Variants in KCNJ4 observed in about 807,000 individuals in gnomAD.
The protein encoded by KCNJ4 is inward rectifier potassium channel 4.
Under a neutral mutation model 25.6 loss-of-function variants are expected in KCNJ4, and 3 were observed. The ratio of observed to expected loss-of-function variants is 0.12; its 90% confidence interval spans 0.05 to 0.30. The LOEUF is 0.30. Among genes scored for constraint, KCNJ4 ranks in the 10% least tolerant of loss-of-function variants. KCNJ4 has a pLI of 1.00. For synonymous variants in KCNJ4, 257 were observed against 283.9 expected (o/e 0.91, Z 0.95); for missense variants, 286 against 666.8 (o/e 0.43, Z 6.29).
chr22:38,444,804 G>T lies in KCNJ4; in HGVS notation c.-40+10176C>A, dbSNP rs563853957. Among the ~76,000 whole-genome samples, 6 of 152,260 alleles carry T rather than the reference G, an allele frequency of 3.9e-5. 1 individual carries two copies. In the South Asian group the frequency reaches 1.2e-3, roughly 32 times the overall value. On this transcript the variant is annotated intron_variant, in intron 1 of 1. Coordinates refer to ENST00000303592, the MANE Select transcript of KCNJ4 (RefSeq NM_152868.3). ...TGACCACCTTCCCACTGGCTCCTCA[G>T]GCCAGAGAATCTCCAACTCCAGCCG...
At chr22:38,447,202 TGCCCCAGAGGGCA>T (rs1430783591) in intron 1 of KCNJ4, among the ~76,000 whole-genome samples, 3 of 152,120 alleles carry the variant, frequency 2.0e-5, no homozygotes, top group Non-Finnish European at 2.9e-5. Context: ...TGGGTTTCTC[TGCCCCAGAGGGCA>T]GGGCGAAGGA....
intron 1 of KCNJ4, among the ~76,000 whole-genome samples, chr22:38,445,590 C>A (rs2089368245): frequency 6.6e-6 from 1 of 152,146 alleles, no homozygotes; most frequent in Admixed American, 6.5e-5. Context: ...GCCATCCTCC[C>A]GCCTCGGCCT....
At chr22:38,432,285 A>AAATAAATAAATAAAT (rs10632921) in intron 1 of KCNJ4, among the ~76,000 whole-genome samples, 41 of 120,892 alleles carry the variant, frequency 3.4e-4, no homozygotes, top group African/African-American at 1.6e-3. Context: ...ATAAATAAAT[A>AAATAAATAAATAAAT]AAATAAAATA....
In KCNJ4 at chr22:38,427,017, G is replaced by C; in HGVS notation, c.1116C>G (p.Cys372Trp). The C allele has an allele frequency of 6.2e-7, 1 of 1,612,740 alleles. No homozygotes were observed. The highest frequency in any genetic ancestry group is 8.5e-7 in the Non-Finnish European group (1 of 1,179,916). ...TCATAAGGGCCAGCTCGTTCTCGTA[G>C]CAGAAGGCACTGGGAGGGGGCGGTG... ...PAPPPPPSAF[C>W]YENELALMSQ... is the part of the protein sequence containing the mutation. The change falls in exon 2 of 2, where the codon TGC becomes TGG. Residue 372 changes from cysteine to tryptophan, a missense_variant. By Grantham distance (215) the Cys-to-Trp change is radical (BLOSUM62 -2). Around this residue, in one of 11 missense-constraint regions of KCNJ4, gnomAD observed 36 missense variants for 100.1 expected, o/e 0.36. Transcript: ENST00000303592.
rs1266782979 is a variant in KCNJ4, at chr22:38,443,881, C to G, written c.-40+11099G>C. Reference sequence around the variant, plus strand: ...CCCCAGGGCACTCGGGATGAACGCCCCGCCTCAGAGAGGTCCTGCCCTCTC... The same window carrying G: ...CCCCAGGGCACTCGGGATGAACGCCGCGCCTCAGAGAGGTCCTGCCCTCTC... On this transcript the variant is annotated intron_variant, in intron 1 of 1. Coordinates refer to ENST00000303592, the MANE Select transcript of KCNJ4 (RefSeq NM_152868.3). This position sits in a 1 kb window ranked among gnomAD's most constrained non-coding sequence, Gnocchi z 4.1. 6.6e-6 allele frequency among the ~76,000 whole-genome samples: 1 copy of G among 152,128 alleles called. No homozygotes were observed. The highest frequency in any genetic ancestry group is 1.5e-5 in the Non-Finnish European group (1 of 68,022).
Position 38,427,698 on chromosome 22 carries a change from C to T in KCNJ4, c.435G>A (p.Glu145=), listed in dbSNP as rs1239987931. Reference sequence around the variant, plus strand: ...CCACAGCGATGACTGCCAGCGGGCACTCCTCTGTCACGCACCGGAACCCAT... The same window carrying T: ...CCACAGCGATGACTGCCAGCGGGCATTCCTCTGTCACGCACCGGAACCCAT... ...IGYGFRCVTE[E]CPLAVIAVVV... Residue 145 remains glutamate, a synonymous_variant, in exon 2 of 2, where the codon GAG becomes GAA. Coordinates refer to ENST00000303592, the MANE Select transcript of KCNJ4 (RefSeq NM_152868.3). 1 of 1,612,540 alleles carries T rather than the reference C, an allele frequency of 6.2e-7. No homozygotes were observed. Among genetic ancestry groups the T allele is most frequent in the South Asian group, 1.1e-5 (1 of 91,082 alleles).
At chr22:38,451,112 C>A (rs988624382) in intron 1 of KCNJ4, among the ~76,000 whole-genome samples, 1 of 152,236 alleles carries the variant, frequency 6.6e-6, no homozygotes, top group African/African-American at 2.4e-5. Context: ...TAGCCCAGTG[C>A]CTGGCGAGCA....
At chr22:38,441,800 G>A (rs1263744005) in intron 1 of KCNJ4, among the ~76,000 whole-genome samples, 1 of 152,186 alleles carries the variant, frequency 6.6e-6, no homozygotes, top group Non-Finnish European at 1.5e-5. Context: ...CGTGGGGAAT[G>A]AGCAGCCTTG....
At chr22:38,434,370 C>G (rs1467705242) in intron 1 of KCNJ4, among the ~76,000 whole-genome samples, 1 of 152,190 alleles carries the variant, frequency 6.6e-6, no homozygotes, top group Non-Finnish European at 1.5e-5. Flanking sequence ...CCATGCCAGG[C>G]GCTGCCTCCT....
At chr22:38,446,256 G>A (rs1189908838) in intron 1 of KCNJ4, among the ~76,000 whole-genome samples, 2 of 152,232 alleles carry the variant, frequency 1.3e-5, no homozygotes, top group African/African-American at 4.8e-5. Context: ...GTTGTCTCAG[G>A]GAGCCGGGAC....
chr22:38,446,231 T>C (rs1602643681), intron 1 of KCNJ4, among the ~76,000 whole-genome samples: 2 of 152,232 alleles, frequency 1.3e-5, no homozygotes, highest in Admixed American at 1.3e-4. Context: ...GCCATTCTCC[T>C]CTGTCCTCTA....
At chr22:38,438,598 A>G (rs924521213) in intron 1 of KCNJ4, among the ~76,000 whole-genome samples, 2 of 151,114 alleles carry the variant, frequency 1.3e-5, no homozygotes, top group Non-Finnish European at 2.9e-5. Flanking sequence ...CTGAGGCATG[A>G]GAATCGCTTG....
intron 1 of KCNJ4, among the ~76,000 whole-genome samples, chr22:38,453,785 T>C (rs962299302): frequency 2.0e-5 from 3 of 152,166 alleles, no homozygotes; most frequent in Admixed American, 1.3e-4. Context: ...CACTGCCCAG[T>C]GTGGAACACC....
chr22:38,445,301 C>G (rs1470437839), intron 1 of KCNJ4, among the ~76,000 whole-genome samples: 2 of 152,034 alleles, frequency 1.3e-5, no homozygotes, highest in African/African-American at 4.8e-5. Flanking sequence ...GAGGGCAGGA[C>G]AGCAGCATCC....
At chr22:38,440,177 A>T (rs2089322986) in intron 1 of KCNJ4, among the ~76,000 whole-genome samples, 1 of 152,188 alleles carries the variant, frequency 6.6e-6, no homozygotes, top group Non-Finnish European at 1.5e-5. Flanking sequence ...TGGGAGGCTG[A>T]GGCGGGTGGA....
intron 1 of KCNJ4, among the ~76,000 whole-genome samples, chr22:38,438,455 G>A (rs1309949659): frequency 6.6e-6 from 1 of 151,202 alleles, no homozygotes; most frequent in African/African-American, 2.4e-5. Flanking sequence ...TTTGGGAGGC[G>A]GAGGTGGGTG....
Position 38,427,242 on chromosome 22 carries a change from C to A in KCNJ4, c.891G>T (p.Thr297=), listed in dbSNP as rs375855119. The A allele has an allele frequency of 1.2e-6, 2 of 1,613,426 alleles. No individual in the cohort carries two copies. The highest frequency in any genetic ancestry group is 2.7e-5 in the African/African-American group (2 of 74,902). ...VVILEGMVEA[T]AMTTQARSSY... ...AGCTGCGGGCCTGGGTGGTCATGGCCGTGGCCTCCACCATGCCCTCCAGGA... is the reference window on the plus strand; with the variant it reads ...AGCTGCGGGCCTGGGTGGTCATGGCAGTGGCCTCCACCATGCCCTCCAGGA... Residue 297 remains threonine (T), a synonymous_variant, in exon 2 of 2, where the codon ACG becomes ACT. Coordinates refer to ENST00000303592, the MANE Select transcript of KCNJ4 (RefSeq NM_152868.3).
intron 1 of KCNJ4, among the ~76,000 whole-genome samples, chr22:38,445,320 G>T (rs555380330): frequency 6.6e-6 from 1 of 152,106 alleles, no homozygotes; most frequent in Non-Finnish European, 1.5e-5. Context: ...CCTGGAAGTT[G>T]TGGCACCTAT....
chr22:38,434,800 G>A (rs931196551), intron 1 of KCNJ4, among the ~76,000 whole-genome samples: 4 of 152,174 alleles, frequency 2.6e-5, no homozygotes, highest in South Asian at 4.1e-4. Context: ...TATGTTTTGG[G>A]TGGCAAGACC....
Sources: gnomAD v4.1 joint callset for allele counts (sites outside exome capture counted in the v4.1 genomes callset) on GRCh38, gnomAD v4.1.1 for gene constraint, gnomAD v4.1.1 regional missense constraint, Gnocchi (gnomAD v3.1) non-coding constraint, MANE v1.5 for transcripts, NCBI Gene and HGNC (gene_info 2026-07-23, HGNC 2026-07-21) for gene names.